COL27A1: variants seen among roughly 807,000 people sequenced by gnomAD.
The protein encoded by COL27A1 is collagen type XXVII alpha 1 chain.
In COL27A1, 106 loss-of-function variants were observed where a neutral mutation model predicts 251.3. That is an observed-to-expected ratio of 0.42 (90% confidence interval 0.36 to 0.50). The LOEUF (loss-of-function observed/expected upper bound fraction) is 0.50, where lower values mean the gene tolerates loss of function less well. COL27A1 is among the 20% of genes least tolerant of loss of function. The pLI is 0.00. For missense variants in COL27A1, 2,325 were observed against 2,522.8 expected (o/e 0.92, Z 1.68); for synonymous variants, 1,000 against 986.3 (o/e 1.01, Z -0.26).
intron 37 of COL27A1, among the ~76,000 whole-genome samples, chr9:114,282,072 T>G (rs983466673): frequency 6.6e-6 from 1 of 152,222 alleles, no homozygotes; most frequent in African/African-American, 2.4e-5. Context: ...CCCTAAGTTC[T>G]GTGACACTGT....
At chr9:114,223,332 G>C (rs1831244779) in intron 14 of COL27A1, among the ~76,000 whole-genome samples, 1 of 152,208 alleles carries the variant, frequency 6.6e-6, no homozygotes. Flanking sequence ...ACTGTACTGA[G>C]AAATTCTGCT....
rs1254503397 is a variant in COL27A1 at position 114,264,405 on chromosome 9, G to A, written c.3246G>A (p.Leu1082=). The A allele has an allele frequency of 2.5e-6, 4 of 1,584,236 alleles. No individual in the cohort carries two copies. The highest frequency in any genetic ancestry group is 1.3e-5 in the African/African-American group (1 of 74,474). Residue 1082 remains leucine (L), a synonymous_variant, in exon 29 of 61, where the codon CTG becomes CTA. Coordinates refer to ENST00000356083, the MANE Select transcript of COL27A1 (RefSeq NM_032888.4). ...GPAGEQGSRG[L]KGPPGPQGRP... ...CTGGGGAGCAAGGGTCCAGGGGCCT[G>A]AAGGTACCGACCCCTAGGACCTGCC... is the stretch of plus-strand genomic sequence containing the variant.
chr9:114,193,700 G>T (rs1412173771), intron 5 of COL27A1, among the ~76,000 whole-genome samples: 1 of 152,100 alleles, frequency 6.6e-6, no homozygotes, highest in Non-Finnish European at 1.5e-5. Flanking sequence ...GTGAAGGGCT[G>T]TACACACCTG....
At position 114,243,511 on chromosome 9, in the gene COL27A1, A is replaced by T; in HGVS notation, c.2885A>T (p.Gln962Leu). 6.2e-7 allele frequency: 1 copy of T among 1,613,996 alleles called. No individual in the cohort carries two copies. Among genetic ancestry groups the T allele is most frequent in the Non-Finnish European group, 8.5e-7 (1 of 1,179,944 alleles). Residue 962 changes from glutamine (Q) to leucine (L), a missense_variant, in exon 23 of 61, where the codon CAG becomes CTG. Coordinates refer to ENST00000356083, the MANE Select transcript of COL27A1 (RefSeq NM_032888.4). ...GPPGAPGLEGQPGRKGFPGRP... is the reference protein window; with the variant it reads ...GPPGAPGLEGLPGRKGFPGRP... ...TTACCTGTCTCTCTGTTGCAGGGTC[A>T]GCCTGGCAGGAAGGGGTTTCCTGGG...
chr9:114,235,599 G>A lies in COL27A1; in HGVS notation c.2566G>A (p.Gly856Ser), dbSNP rs1832328860. 6.2e-7 allele frequency: 1 copy of A among 1,613,412 alleles called. No individual in the cohort carries two copies. The highest frequency in any genetic ancestry group is 8.5e-7 in the Non-Finnish European group (1 of 1,179,570). Reference protein sequence around the residue: ...VGEPGLKGDKGEQGVPGVSGD... With the variant: ...VGEPGLKGDKSEQGVPGVSGD... ...ACCTTCTTTGCTGGTGTGTACTTAG[G>A]GTGAACAAGGGGTTCCAGGTGTGTC... Residue 856 changes from glycine to serine, a missense_variant and splice_region_variant, in exon 17 of 61, where the codon GGT (glycine) becomes AGT (serine). Gly to Ser is a moderately conservative substitution (Grantham distance 56). This residue lies in a region of COL27A1 where 662 missense variants were observed against 795.3 expected (regional missense o/e 0.83). Coordinates refer to ENST00000356083, the MANE Select transcript of COL27A1 (RefSeq NM_032888.4).
rs751192855 is a variant in COL27A1, at chr9:114,169,168, G to A, written c.1613G>A (p.Gly538Glu). The A allele has an allele frequency of 1.2e-6, 2 of 1,614,072 alleles. No individual in the cohort carries two copies. The highest frequency in any genetic ancestry group is 3.3e-5 in the Admixed American group (2 of 60,006). ...CCCACTGGAAGCAAGAAGCCCATTG[G>A]ATCGGAAGCCTCAAAGAAAGCCGGA... Reference protein sequence around the residue: ...SAPTGSKKPIGSEASKKAGPK... With the variant: ...SAPTGSKKPIESEASKKAGPK... Residue 538 changes from glycine to glutamate, a missense_variant, in exon 3 of 61, where the codon GGA becomes GAA. By Grantham distance (98) the Gly-to-Glu change is moderately conservative (BLOSUM62 -2). Around this residue, in one of 4 missense-constraint regions of COL27A1, gnomAD observed 1,183 missense variants for 1,144.1 expected, o/e 1.03. Transcript: ENST00000356083.
chr9:114,183,078 G>T lies in COL27A1; in HGVS notation c.2016+3G>T. The T allele has an allele frequency of 6.2e-7, 1 of 1,612,782 alleles. No individual in the cohort carries two copies. Among genetic ancestry groups the T allele is most frequent in the Non-Finnish European group, 8.5e-7 (1 of 1,179,588 alleles). On this transcript the variant is annotated splice_donor_region_variant and intron_variant, in intron 5 of 60. Coordinates refer to ENST00000356083, the MANE Select transcript of COL27A1 (RefSeq NM_032888.4). ...TCCCCGGCCCTCCTGGAGCCAAAGT[G>T]AGTATTTGCTGGAGATGTGGCCATG...
intron 26 of COL27A1, 64 bp from the exon 27 acceptor site, chr9:114,252,815 G>A (rs189237718): frequency 1.7e-5 from 27 of 1,546,442 alleles, no homozygotes; most frequent in East Asian, 4.5e-5. Flanking sequence ...TGAGCCGACC[G>A]AGGTGGGACT....
chr9:114,274,599 C>T (rs954831139), intron 36 of COL27A1, among the ~76,000 whole-genome samples: 2 of 152,186 alleles, frequency 1.3e-5, no homozygotes, highest in African/African-American at 2.4e-5. Context: ...AAGTATTCTG[C>T]AGCCAATAAG....
Position 114,283,925 on chromosome 9 carries a change from C to T in COL27A1, c.3933+163C>T, listed in dbSNP as rs550352500. 6.5e-4 allele frequency among the ~76,000 whole-genome samples: 99 copies of T among 152,290 alleles called. 1 individual carries two copies. The Middle Eastern group carries it at 0.014, about 21-fold the overall frequency. ...CCCCAGGGAGCGCTGGGCCCAGAGC[C>T]GTGGTTGGGGTGGAGGATCATGGAT... On this transcript the variant is annotated intron_variant, in intron 40 of 60. Coordinates refer to ENST00000356083, the MANE Select transcript of COL27A1 (RefSeq NM_032888.4).
intron 55 of COL27A1, 106 bp downstream of exon 55, chr9:114,301,823 G>C: frequency 8.7e-7 from 1 of 1,155,548 alleles, no homozygotes; most frequent in Non-Finnish European, 1.2e-6. Flanking sequence ...CCCCACAGGG[G>C]TTCTTGTAGC....
intron 14 of COL27A1, among the ~76,000 whole-genome samples, chr9:114,227,496 G>C (rs902496): frequency 6.6e-6 from 1 of 151,678 alleles, no homozygotes; most frequent in Non-Finnish European, 1.5e-5. Flanking sequence ...ATCTGTAAAA[G>C]GGAGTGGGAC....
Position 114,311,574 on chromosome 9 carries a change from A to G in COL27A1, c.*879A>G, listed in dbSNP as rs1232237012. On this transcript the variant is annotated 3_prime_UTR_variant, in exon 61 of 61. Coordinates refer to ENST00000356083, the MANE Select transcript of COL27A1 (RefSeq NM_032888.4). ...AAAAAAAAAAAAAAAAAGCAAAACAAAAACAAAAACAAAAACCCTACCAGA... is the reference window on the plus strand; with the variant it reads ...AAAAAAAAAAAAAAAAAGCAAAACAGAAACAAAAACAAAAACCCTACCAGA... 1.3e-5 allele frequency: 2 copies of G among 151,846 alleles called. No homozygotes were observed. The highest frequency in any genetic ancestry group is 2.1e-4 in the South Asian group (1 of 4,820). 9.4% of individuals were successfully genotyped at this position (151,846 alleles called of 1,614,324 possible).
Position 114,206,258 on chromosome 9 carries a change from C to A in COL27A1, c.2230C>A (p.Pro744Thr). The A allele has an allele frequency of 6.2e-7, 1 of 1,614,138 alleles. No individual in the cohort carries two copies. Among genetic ancestry groups the A allele is most frequent in the Non-Finnish European group, 8.5e-7 (1 of 1,179,994 alleles). Reference protein sequence around the residue: ...AKGYPGRQGLPGPVGDPGPKG... With the variant: ...AKGYPGRQGLTGPVGDPGPKG... ...TCTGTGTTTTGTGTTTCAGGGGTTA[C>A]CTGGACCGGTAGGAGATCCCGGCCC... Residue 744 changes from proline to threonine, a missense_variant, in exon 10 of 61, where the codon CCT (proline) becomes ACT (threonine). Physicochemically the swap from Pro to Thr is conservative, Grantham distance 38. Transcript: ENST00000356083.
At chr9:114,194,321 C>G (rs945061170) in intron 5 of COL27A1, 83 bp from the exon 6 acceptor site, 1 of 1,333,098 alleles carries the variant, frequency 7.5e-7, no homozygotes, top group African/African-American at 1.4e-5. Flanking sequence ...AGCAAGGGAG[C>G]AGGGCTTTGA....
chr9:114,237,628 C>T (rs772809710), intron 18 of COL27A1, 34 bp from the exon 19 acceptor site: 8 of 1,601,944 alleles, frequency 5.0e-6, no homozygotes, highest in Non-Finnish European at 6.8e-6. Flanking sequence ...GGGGTCCTCA[C>T]CCCTGCCTCC....
chr9:114,194,719 G>A (rs1402107927), intron 6 of COL27A1, among the ~76,000 whole-genome samples: 1 of 152,196 alleles, frequency 6.6e-6, no homozygotes. Context: ...TTCTCCTATG[G>A]ACACACGCTT....
At chr9:114,249,338 T>C (rs1355188067) in intron 24 of COL27A1, among the ~76,000 whole-genome samples, 1 of 152,262 alleles carries the variant, frequency 6.6e-6, no homozygotes, top group Non-Finnish European at 1.5e-5. Context: ...GCCTCATCCC[T>C]CTTACCTTAT....
chr9:114,159,765 A>G (rs758001721), intron 1 of COL27A1, among the ~76,000 whole-genome samples: 9 of 152,238 alleles, frequency 5.9e-5, no homozygotes, highest in African/African-American at 2.2e-4. Flanking sequence ...TGTGGGAAAT[A>G]CTACTGAAGA....
Sources: allele counts gnomAD v4.1 joint callset (sites outside exome capture counted in the v4.1 genomes callset), GRCh38; gene constraint gnomAD v4.1.1; regional missense constraint gnomAD v4.1.1; transcripts MANE v1.5; gene names NCBI Gene and HGNC (gene_info 2026-07-23, HGNC 2026-07-21).